PEX7: variants seen among roughly 807,000 people sequenced by gnomAD.
The protein encoded by PEX7 is PTS2 receptor.
Under a neutral mutation model 47.5 loss-of-function variants are expected in PEX7, and 34 were observed. The ratio of observed to expected loss-of-function variants is 0.72; its 90% CI spans 0.54 to 0.95. PEX7 has a LOEUF of 0.95. PEX7 is among the 40% of genes least tolerant of loss of function. The pLI, the probability that PEX7 is intolerant of heterozygous loss-of-function variation, is 0.00. For synonymous variants in PEX7, 141 were observed against 148.8 expected, an observed-to-expected ratio of 0.95 and a Z score of 0.38; for missense variants, 394 against 400.3, an observed-to-expected ratio of 0.98 and a Z score of 0.13.
intron 9 of PEX7, among the ~76,000 whole-genome samples, chr6:136,911,488 C>G (rs572621415): frequency 6.6e-6 from 1 of 152,176 alleles, no homozygotes; most frequent in African/African-American, 2.4e-5. Flanking sequence ...TCACTGCAAC[C>G]TCTGCCTCCC....
chr6:136,874,619 A>T (rs957307468), intron 8 of PEX7, among the ~76,000 whole-genome samples: 3 of 151,542 alleles, frequency 2.0e-5, no homozygotes, highest in Admixed American at 2.0e-4. Context: ...CAGTGAGCTA[A>T]AATCATACCA....
chr6:136,853,155 T>C (rs1774791542), intron 5 of PEX7, among the ~76,000 whole-genome samples: 1 of 152,264 alleles, frequency 6.6e-6, no homozygotes, highest in African/African-American at 2.4e-5. Flanking sequence ...GGGATGCAGC[T>C]ACGCCCGTTT....
chr6:136,823,380 G>T (rs557218488), intron 1 of PEX7: 3 of 983,872 alleles, frequency 3.0e-6, no homozygotes, highest in Non-Finnish European at 3.6e-6. Flanking sequence ...ACATTCGCAA[G>T]TAGGTGTTAC....
chr6:136,865,204 A>G (rs1363900115), intron 5 of PEX7, among the ~76,000 whole-genome samples: 1 of 152,120 alleles, frequency 6.6e-6, no homozygotes, highest in East Asian at 1.9e-4. Flanking sequence ...TAATCCCAGT[A>G]CTTTGGGAGG....
At chr6:136,856,887 A>G (rs1470394195) in intron 5 of PEX7, among the ~76,000 whole-genome samples, 3 of 151,956 alleles carry the variant, frequency 2.0e-5, no homozygotes, top group Admixed American at 2.0e-4. Context: ...ATGTTCTTCA[A>G]AAACTTTCCT....
At chr6:136,869,587 C>T (rs921383062) in intron 6 of PEX7, among the ~76,000 whole-genome samples, 5 of 152,172 alleles carry the variant, frequency 3.3e-5, no homozygotes, top group Admixed American at 6.5e-5. Flanking sequence ...TATTTACTGC[C>T]GCTTCTAAAG....
At chr6:136,901,076 G>A (rs1164558946) in intron 9 of PEX7, 10 of 178,998 alleles carry the variant, frequency 5.6e-5, no homozygotes, top group Non-Finnish European at 9.7e-5. Context: ...TTACTCAACA[G>A]GGGATTCACC....
rs1261798665 is a variant in PEX7 at position 136,823,838 on chromosome 6, C to T, written c.130+1043C>T. Among the ~76,000 whole-genome samples, 28 of 151,704 alleles carry T rather than the reference C, an allele frequency of 1.8e-4. 1 individual carries two copies. Among genetic ancestry groups the T allele is most frequent in the African/African-American group, 4.9e-5 (2 of 41,234 alleles). On this transcript the variant is annotated intron_variant, in intron 1 of 9. Coordinates refer to ENST00000318471, the MANE Select transcript of PEX7 (RefSeq NM_000288.4). ...CCAGGAGGCAGAGGTTGCGGTGAGCCGAGATCGTGCCATTGCACTCCAGCC... is the reference window on the plus strand; with the variant it reads ...CCAGGAGGCAGAGGTTGCGGTGAGCTGAGATCGTGCCATTGCACTCCAGCC...
At chr6:136,885,306 T>C (rs2115252586) in intron 8 of PEX7, among the ~76,000 whole-genome samples, 1 of 152,332 alleles carries the variant, frequency 6.6e-6, no homozygotes, top group East Asian at 1.9e-4. Context: ...TTTATAAATA[T>C]TATAACCTTT....
chr6:136,878,344 G>T (rs1419289496), intron 8 of PEX7, among the ~76,000 whole-genome samples: 1 of 152,112 alleles, frequency 6.6e-6, no homozygotes, highest in Non-Finnish European at 1.5e-5. Flanking sequence ...ATACTATGTT[G>T]AATAGGAGAG....
At chr6:136,862,081 TG>T (rs1467107261) in intron 5 of PEX7, among the ~76,000 whole-genome samples, 4 of 141,452 alleles carry the variant, frequency 2.8e-5, no homozygotes, top group Non-Finnish European at 6.2e-5. Context: ...GTTTTTTTTT[TG>T]GGGGGACAGA....
intron 3 of PEX7, chr6:136,830,012 T>C: frequency 1.4e-6 from 1 of 714,892 alleles, no homozygotes; most frequent in Non-Finnish European, 2.6e-6. Context: ...ACCAGTATGT[T>C]CAGGGAAGCT....
chr6:136,847,543 A>G (rs1774630476), intron 5 of PEX7, among the ~76,000 whole-genome samples: 1 of 151,814 alleles, frequency 6.6e-6, no homozygotes, highest in Non-Finnish European at 1.5e-5. Context: ...GAAGGGATCC[A>G]GTTTCAGCTT....
chr6:136,867,238 C>T (rs181531842), intron 6 of PEX7, among the ~76,000 whole-genome samples: 12 of 152,184 alleles, frequency 7.9e-5, no homozygotes, highest in African/African-American at 1.9e-4. Flanking sequence ...ACCACATGAG[C>T]GTATGAATCA....
chr6:136,831,060 A>G (rs999753066), intron 3 of PEX7, among the ~76,000 whole-genome samples: 4 of 152,210 alleles, frequency 2.6e-5, no homozygotes, highest in African/African-American at 9.7e-5. Context: ...AGAAGCTGAG[A>G]AGTCAATAAT....
At chr6:136,866,015 G>C (rs187082584) in intron 5 of PEX7, among the ~76,000 whole-genome samples, 339 of 152,172 alleles carry the variant, frequency 2.2e-3, no homozygotes, top group African/African-American at 7.9e-3. Flanking sequence ...CCTGGGAGGC[G>C]GAGATTACAG....
At chr6:136,876,115 G>A (rs1480063374) in intron 8 of PEX7, among the ~76,000 whole-genome samples, 5 of 151,336 alleles carry the variant, frequency 3.3e-5, no homozygotes, top group Non-Finnish European at 7.4e-5. Flanking sequence ...TCGGCTCACT[G>A]CAAGCTCCGC....
At chr6:136,822,846 G>GCCGGGA (rs1774105798) in intron 1 of PEX7, 51 bp downstream of exon 1, 1 of 1,235,196 alleles carries the variant, frequency 8.1e-7, no homozygotes, top group Non-Finnish European at 1.0e-6. Flanking sequence ...GGAGGCGGGG[G>GCCGGGA]CCAGCCGGGC....
chr6:136,824,117 A>C (rs985907956), intron 1 of PEX7, among the ~76,000 whole-genome samples: 2 of 152,262 alleles, frequency 1.3e-5, no homozygotes, highest in Non-Finnish European at 2.9e-5. Context: ...ATTAGCTCTT[A>C]GTGCTTGCAC....
Sources: allele counts gnomAD v4.1 joint callset (sites outside exome capture counted in the v4.1 genomes callset), GRCh38; gene constraint gnomAD v4.1.1; transcripts MANE v1.5; gene names NCBI Gene and HGNC (gene_info 2026-07-23, HGNC 2026-07-21).